Variants in C17orf78 observed in about 807,000 individuals in gnomAD.
The protein encoded by C17orf78 is uncharacterized protein C17orf78.
In C17orf78, 27 loss-of-function variants were observed where a neutral mutation model predicts 31.8. That is an observed-to-expected ratio of 0.85 (90% confidence interval 0.63 to 1.17). The LOEUF (loss-of-function observed/expected upper bound fraction) is 1.17, where lower values mean the gene tolerates loss of function less well. Among genes scored for constraint, C17orf78 ranks in the 50% most tolerant of loss-of-function variants. The pLI is 0.00. For synonymous variants in C17orf78, 106 were observed against 115.1 expected (o/e 0.92, Z 0.51); for missense variants, 258 against 315.2 (o/e 0.82, Z 1.37).
intron 6 of C17orf78, 112 bp from the exon 7 acceptor site, chr17:37,391,535 A>C: frequency 1.1e-6 from 1 of 881,714 alleles, no homozygotes; most frequent in Non-Finnish European, 1.9e-6. Context: ...GGCAAAATGA[A>C]GTGCACTTGG....
intron 3 of C17orf78, among the ~76,000 whole-genome samples, chr17:37,385,304 T>C (rs1009119671): frequency 6.6e-6 from 1 of 152,098 alleles, no homozygotes; most frequent in African/African-American, 2.4e-5. Flanking sequence ...AAACCCCATC[T>C]CTACCAAAAA....
intron 6 of C17orf78, 36 bp downstream of exon 6, chr17:37,389,398 A>T: frequency 6.4e-7 from 1 of 1,553,362 alleles, no homozygotes; most frequent in Non-Finnish European, 8.7e-7. Context: ...TCATTTGCTT[A>T]AAGAAGGTGG....
At chr17:37,389,101 A>G in intron 5 of C17orf78, 145 bp from the exon 6 acceptor site, 1 of 1,168,494 alleles carries the variant, frequency 8.6e-7, no homozygotes, top group Non-Finnish European at 1.2e-6. Flanking sequence ...GTACTTAGAC[A>G]TTTTCTAGGA....
intron 2 of C17orf78, among the ~76,000 whole-genome samples, 194 bp downstream of exon 2, chr17:37,378,159 C>A (rs981495045): frequency 6.6e-6 from 1 of 152,114 alleles, no homozygotes; most frequent in East Asian, 1.9e-4. Flanking sequence ...TTATATTACT[C>A]AAATGGATGG....
At chr17:37,382,637 G>A (rs752736819) in intron 3 of C17orf78, among the ~76,000 whole-genome samples, 13 of 152,128 alleles carry the variant, frequency 8.5e-5, no homozygotes, top group African/African-American at 1.2e-4. Flanking sequence ...CGAGGCAGGC[G>A]GATCATGAGG....
In C17orf78 at chr17:37,376,013, A is replaced by C; in HGVS notation, c.-80A>C. The C allele has an allele frequency of 7.9e-7, 1 of 1,262,916 alleles. No homozygotes were observed. Among genetic ancestry groups the C allele is most frequent in the Non-Finnish European group, 1.2e-6 (1 of 867,836 alleles). 78.2% of individuals were successfully genotyped at this position (1,262,916 alleles called of 1,614,324 possible). A position where few individuals can be genotyped will look rare whatever the true frequency, so the allele number is the denominator to read the frequency against. ...ACTTGGTTCCAGCTGCGTGTGGTGA[A>C]AGCAACTAGAGGCAGAGCTATCAAG... On this transcript the variant is annotated 5_prime_UTR_variant, in exon 1 of 7. Transcript: ENST00000615133.
At chr17:37,387,380 A>G (rs1179132839) in intron 4 of C17orf78, 1 of 151,794 alleles carries the variant, frequency 6.6e-6, no homozygotes, top group Admixed American at 6.6e-5. Flanking sequence ...AGCCTCCCAA[A>G]GTGATGGGAT....
intron 6 of C17orf78, among the ~76,000 whole-genome samples, chr17:37,390,718 A>G (rs2050844318): frequency 6.6e-6 from 1 of 151,122 alleles, no homozygotes; most frequent in African/African-American, 2.4e-5. Flanking sequence ...ACTTGGGCTC[A>G]GGAATTGAAG....
rs761277161 is a variant in C17orf78 at position 37,391,932 on chromosome 17, T to C, written c.*208T>C. Reference sequence around the variant, plus strand: ...CCACAACCTTCTGTAATTCACTTCATACATCCATCTAAATGGATACCTTTC... The same window carrying C: ...CCACAACCTTCTGTAATTCACTTCACACATCCATCTAAATGGATACCTTTC... On this transcript the variant is annotated 3_prime_UTR_variant, in exon 7 of 7. Coordinates refer to ENST00000615133, the MANE Select transcript of C17orf78 (RefSeq NM_173625.5). 16 of 577,252 alleles carry C rather than the reference T, an allele frequency of 2.8e-5. No homozygotes were observed. Among genetic ancestry groups the C allele is most frequent in the Non-Finnish European group, 3.7e-5 (12 of 324,684 alleles). 35.8% of individuals were successfully genotyped at this position (577,252 alleles called of 1,614,324 possible). A position where few individuals can be genotyped will look rare whatever the true frequency, so the allele number is the denominator to read the frequency against.
chr17:37,386,109 G>T lies in C17orf78; in HGVS notation c.492G>T (p.Glu164Asp), dbSNP rs767999310. ...PSITPGNKEGEKTTSTDTDEN... is the reference protein window; with the variant it reads ...PSITPGNKEGDKTTSTDTDEN... ...TAACTCCTGGGAATAAAGAAGGAGA[G>T]AAAACTACAAGTACCGGTAATTTTT... Residue 164 changes from glutamate to aspartate, a missense_variant, in exon 4 of 7, where the codon GAG becomes GAT. Transcript: ENST00000615133. The T allele has an allele frequency of 6.3e-7, 1 of 1,576,986 alleles. No homozygotes were observed. Among genetic ancestry groups the T allele is most frequent in the Admixed American group, 1.7e-5 (1 of 58,186 alleles).
chr17:37,377,659 CAATAAATA>C (rs140365002), intron 1 of C17orf78, among the ~76,000 whole-genome samples: 26,379 of 143,454 alleles, frequency 0.18, 2,564 homozygotes, highest in East Asian at 0.24. Context: ...GACTCCGTCT[CAATAAATA>C]AATAAATAAA....
At chr17:37,381,274 C>G (rs1236621884) in intron 3 of C17orf78, among the ~76,000 whole-genome samples, 1 of 152,020 alleles carries the variant, frequency 6.6e-6, no homozygotes, top group Non-Finnish European at 1.5e-5. Context: ...CAACCTCCTC[C>G]TCCCAGGTTC....
intron 3 of C17orf78, among the ~76,000 whole-genome samples, chr17:37,385,627 T>C (rs1243639882): frequency 6.6e-6 from 1 of 152,172 alleles, no homozygotes; most frequent in Non-Finnish European, 1.5e-5. Flanking sequence ...TAAGGCTAAC[T>C]GTGATATTTC....
In C17orf78 at chr17:37,385,076, A is replaced by C. The variant is rs187419997; in HGVS notation, c.392-933A>C. On this transcript the variant is annotated intron_variant, in intron 3 of 6. Transcript: ENST00000615133. The stretch of plus-strand genomic sequence containing the variant: ...TTCCACTGCTGGTGTGAATCACATC[A>C]TCTCTCATCTGGACTTTTGCAATGG... 1.6e-3 allele frequency among the ~76,000 whole-genome samples: 237 copies of C among 152,170 alleles called. 2 individuals carry two copies. In the Middle Eastern group the frequency reaches 0.027, roughly 17 times the overall value.
chr17:37,392,178 G>T lies in C17orf78; in HGVS notation c.*454G>T. On this transcript the variant is annotated 3_prime_UTR_variant, in exon 7 of 7. Coordinates refer to ENST00000615133, the MANE Select transcript of C17orf78 (RefSeq NM_173625.5). Reference sequence around the variant, plus strand: ...TGATCTCCCTGGTTGACGTTTATAAGGTTTTGTAATTTAGCTTCTGGTACT... The same window carrying T: ...TGATCTCCCTGGTTGACGTTTATAATGTTTTGTAATTTAGCTTCTGGTACT... 6.1e-6 allele frequency: 1 copy of T among 164,760 alleles called. No individual in the cohort carries two copies. The highest frequency in any genetic ancestry group is 1.3e-5 in the Non-Finnish European group (1 of 74,906). 10.2% of individuals were successfully genotyped at this position (164,760 alleles called of 1,614,324 possible). A position where few individuals can be genotyped will look rare whatever the true frequency, so the allele number is the denominator to read the frequency against.
chr17:37,376,509 G>A (rs2050008617), intron 1 of C17orf78, among the ~76,000 whole-genome samples: 1 of 152,138 alleles, frequency 6.6e-6, no homozygotes, highest in Non-Finnish European at 1.5e-5. Context: ...TTTTAAGTTG[G>A]TACATGTAAA....
intron 6 of C17orf78, 109 bp from the exon 7 acceptor site, chr17:37,391,538 G>A: frequency 2.2e-6 from 2 of 925,972 alleles, no homozygotes. Flanking sequence ...AAAATGAAGT[G>A]CACTTGGAAT....
In C17orf78 at chr17:37,379,663, C is replaced by G. The variant is rs2050159460; in HGVS notation, c.391+281C>G. Among the ~76,000 whole-genome samples the G allele has an allele frequency of 1.4e-4, 21 of 152,048 alleles. 1 individual carries two copies. The South Asian group carries it at 4.4e-3, about 32-fold the overall frequency. ...AGAAGACATTTATGCAGCCAAAAAA[C>G]ACATGAAAAAATGCTCATGATCACT... is the stretch of plus-strand genomic sequence containing the variant. On this transcript the variant is annotated intron_variant, in intron 3 of 6. Transcript: ENST00000615133.
At position 37,386,103 on chromosome 17, in the gene C17orf78, A is replaced by C. The variant is rs1379965215; in HGVS notation, c.486A>C (p.Glu162Asp). The C allele has an allele frequency of 6.3e-7, 1 of 1,586,670 alleles. No homozygotes were observed. The highest frequency in any genetic ancestry group is 8.6e-7 in the Non-Finnish European group (1 of 1,159,278). Residue 162 changes from glutamate to aspartate, a missense_variant, in exon 4 of 7, where the codon GAA becomes GAC. Transcript: ENST00000615133. ...TAPSITPGNK[E>D]GEKTTSTDTD... ...CTTCTATAACTCCTGGGAATAAAGA[A>C]GGAGAGAAAACTACAAGTACCGGTA...
Sources: gnomAD v4.1 joint callset for allele counts (sites outside exome capture counted in the v4.1 genomes callset) on GRCh38, gnomAD v4.1.1 for gene constraint, MANE v1.5 for transcripts, NCBI Gene and HGNC (gene_info 2026-07-23, HGNC 2026-07-21) for gene names.